The following NXPE2 variants were observed in gnomAD, a reference collection of about 807,000 sequenced individuals.
NXPE2 encodes NXPE family member 2.
In NXPE2, 34 loss-of-function variants were observed where a neutral mutation model predicts 34.4. The ratio of observed to expected loss-of-function variants is 0.99; its 90% CI spans 0.75 to 1.31. The LOEUF (loss-of-function observed/expected upper bound fraction) is 1.31. Among genes scored for constraint, NXPE2 ranks in the 40% most tolerant of loss-of-function variants. NXPE2 has a pLI of 0.00. For missense variants in NXPE2, 649 were observed against 672.5 expected, an observed-to-expected ratio of 0.97 and a Z score of 0.39; for synonymous variants, 235 against 231.3, an observed-to-expected ratio of 1.02 and a Z score of -0.15.
the NXPE2 span, among the ~76,000 whole-genome samples, chr11:114,616,963 C>A: frequency 6.9e-6 from 1 of 144,220 alleles, no homozygotes; most frequent in Non-Finnish European, 1.5e-5. Flanking sequence ...CACTCTTACC[C>A]GGTTTATTAT....
At chr11:114,602,998 A>C in the NXPE2 span, among the ~76,000 whole-genome samples, 1 of 151,072 alleles carries the variant, frequency 6.6e-6, no homozygotes, top group Non-Finnish European at 1.5e-5. Context: ...ATATAATTAC[A>C]GAATCATATA....
chr11:114,767,694 T>C, the NXPE2 span, among the ~76,000 whole-genome samples: 1 of 152,196 alleles, frequency 6.6e-6, no homozygotes, highest in Admixed American at 6.5e-5. Flanking sequence ...GTCCACCTCA[T>C]AGAGAACTTA....
At chr11:114,638,006 G>T in the NXPE2 span, among the ~76,000 whole-genome samples, 4 of 151,434 alleles carry the variant, frequency 2.6e-5, no homozygotes, top group Non-Finnish European at 5.9e-5. Context: ...TCTGAACGTT[G>T]GCCTGCCTTG....
chr11:114,473,210 C>T, the NXPE2 span, among the ~76,000 whole-genome samples: 2 of 152,270 alleles, frequency 1.3e-5, no homozygotes, highest in South Asian at 4.1e-4. Context: ...CAAGCTTATC[C>T]AGTTTTCTTG....
the NXPE2 span, among the ~76,000 whole-genome samples, chr11:114,774,613 G>A: frequency 3.9e-5 from 6 of 152,336 alleles, no homozygotes; most frequent in African/African-American, 1.4e-4. Context: ...GTATGAGGAC[G>A]TAATGAGACT....
chr11:114,666,174 A>G, the NXPE2 span, among the ~76,000 whole-genome samples: 1 of 152,066 alleles, frequency 6.6e-6, no homozygotes, highest in Admixed American at 6.6e-5. Flanking sequence ...TAAGGCTCTC[A>G]CATTTTCCCC....
the NXPE2 span, among the ~76,000 whole-genome samples, chr11:114,791,756 T>G: frequency 6.6e-6 from 1 of 152,158 alleles, no homozygotes. Context: ...GCCAGCAGCC[T>G]GGGATGAAGA....
chr11:114,618,922 A>T, the NXPE2 span, among the ~76,000 whole-genome samples: 1 of 152,178 alleles, frequency 6.6e-6, no homozygotes, highest in Non-Finnish European at 1.5e-5. Flanking sequence ...TCTCATGGGT[A>T]ATCACTGCTA....
chr11:114,639,384 A>G, the NXPE2 span, among the ~76,000 whole-genome samples: 1 of 151,840 alleles, frequency 6.6e-6, no homozygotes, highest in East Asian at 1.9e-4. Context: ...CCTTTCTTTG[A>G]TTAGGAAAGG....
chr11:114,586,633 C>G, the NXPE2 span, among the ~76,000 whole-genome samples: 3 of 152,116 alleles, frequency 2.0e-5, no homozygotes, highest in Non-Finnish European at 4.4e-5. Context: ...TCATGTGGGG[C>G]TGGAAGAGGT....
chr11:114,774,702 C>G, the NXPE2 span, among the ~76,000 whole-genome samples: 47 of 152,316 alleles, frequency 3.1e-4, no homozygotes, highest in Non-Finnish European at 5.7e-4. Flanking sequence ...TCTCCTTCCC[C>G]CTTTCGCCCT....
chr11:114,629,400 A>G, the NXPE2 span, among the ~76,000 whole-genome samples: 1 of 151,970 alleles, frequency 6.6e-6, no homozygotes, highest in Non-Finnish European at 1.5e-5. Flanking sequence ...CAGCATATAA[A>G]CAGAACCAAA....
chr11:114,598,274 C>A, the NXPE2 span, among the ~76,000 whole-genome samples: 33 of 24,058 alleles, frequency 1.4e-3, no homozygotes, highest in African/African-American at 5.4e-3. Flanking sequence ...ACCTGGGCAG[C>A]TCTGCCCCTG....
chr11:114,642,972 C>T, the NXPE2 span, among the ~76,000 whole-genome samples: 3 of 151,742 alleles, frequency 2.0e-5, no homozygotes, highest in East Asian at 1.9e-4. Flanking sequence ...GGCATGAGAT[C>T]GTGGTTTTGT....
the NXPE2 span, among the ~76,000 whole-genome samples, chr11:114,486,910 A>G: frequency 6.6e-6 from 1 of 152,132 alleles, no homozygotes; most frequent in East Asian, 1.9e-4. Flanking sequence ...TCTGTAGTAT[A>G]GCTTGAAGTC....
the NXPE2 span, among the ~76,000 whole-genome samples, chr11:114,470,159 T>C: frequency 6.6e-6 from 1 of 152,228 alleles, no homozygotes; most frequent in Non-Finnish European, 1.5e-5. Context: ...TGAACATTCA[T>C]GAACAAGTCT....
At chr11:114,474,762 G>A in the NXPE2 span, among the ~76,000 whole-genome samples, 1 of 152,206 alleles carries the variant, frequency 6.6e-6, no homozygotes, top group African/African-American at 2.4e-5. Flanking sequence ...AGTACTTACT[G>A]TGTGACAGAC....
At chr11:114,704,907 G>A (rs1403705193) in intron 4 of NXPE2, among the ~76,000 whole-genome samples, 1 of 152,138 alleles carries the variant, frequency 6.6e-6, no homozygotes, top group African/African-American at 2.4e-5. Context: ...CCTCTTGCCT[G>A]GACAGTAATT....
the NXPE2 span, among the ~76,000 whole-genome samples, chr11:114,775,253 A>T: frequency 6.6e-6 from 1 of 152,216 alleles, no homozygotes; most frequent in Non-Finnish European, 1.5e-5. Flanking sequence ...TAGGCAGCAC[A>T]GGGTGAGAGG....
Sources: allele counts gnomAD v4.1 joint callset (sites outside exome capture counted in the v4.1 genomes callset), GRCh38; gene constraint gnomAD v4.1.1; transcripts MANE v1.5; gene names NCBI Gene and HGNC (gene_info 2026-07-23, HGNC 2026-07-21).